CADPS2: variants seen among roughly 807,000 people sequenced by gnomAD.
The protein encoded by CADPS2 is calcium-dependent secretion activator 2.
A neutral mutation model predicts 172.5 loss-of-function variants in CADPS2; 93 were observed. That is an observed-to-expected ratio of 0.54 (90% CI 0.46 to 0.64). The LOEUF (loss-of-function observed/expected upper bound fraction) is 0.64. Ranked by LOEUF, CADPS2 falls within the 30% of genes least tolerant of loss-of-function variation. CADPS2 has a pLI of 0.00. For missense variants in CADPS2, 1,420 were observed against 1,565.9 expected (o/e 0.91, Z 1.57); for synonymous variants, 546 against 555.2 (o/e 0.98, Z 0.23).
At chr7:122,668,536 A>T (rs1161724262) in intron 2 of CADPS2, among the ~76,000 whole-genome samples, 1 of 152,204 alleles carries the variant, frequency 6.6e-6, no homozygotes, top group Admixed American at 6.5e-5. Context: ...CTAGTAAAAA[A>T]TATGGATTTA....
chr7:122,672,173 C>T (rs2081935931), intron 2 of CADPS2, among the ~76,000 whole-genome samples: 1 of 152,182 alleles, frequency 6.6e-6, no homozygotes, highest in South Asian at 2.1e-4. Flanking sequence ...AGTTATGAAA[C>T]TAACAATGAT....
At chr7:122,435,841 T>G (rs1248057838) in intron 17 of CADPS2, among the ~76,000 whole-genome samples, 1 of 152,082 alleles carries the variant, frequency 6.6e-6, no homozygotes, top group African/African-American at 2.4e-5. Flanking sequence ...AAAACAAATT[T>G]CTGGCTTAAT....
intron 2 of CADPS2, among the ~76,000 whole-genome samples, chr7:122,671,089 T>C (rs1310773631): frequency 6.6e-6 from 1 of 152,178 alleles, no homozygotes; most frequent in Non-Finnish European, 1.5e-5. Context: ...AGATCCTGTA[T>C]CGTACGCTGT....
At chr7:122,605,932 G>A (rs2073465900) in intron 6 of CADPS2, among the ~76,000 whole-genome samples, 2 of 151,830 alleles carry the variant, frequency 1.3e-5, no homozygotes, top group South Asian at 4.2e-4. Context: ...TAAATAGATG[G>A]GAGCATTATT....
intron 2 of CADPS2, among the ~76,000 whole-genome samples, chr7:122,690,537 T>C (rs1380055148): frequency 1.4e-4 from 22 of 152,292 alleles, no homozygotes; most frequent in Non-Finnish European, 7.4e-5. Flanking sequence ...GGAGGGTCCA[T>C]GGCTGACACC....
intron 12 of CADPS2, among the ~76,000 whole-genome samples, chr7:122,477,009 AGAGGAGAG>A (rs2056709484): frequency 3.1e-5 from 3 of 96,392 alleles, no homozygotes; most frequent in African/African-American, 1.4e-4. Context: ...AGAGGAGAGG[AGAGGAGAG>A]GAGAGGAGAG....
intron 3 of CADPS2, among the ~76,000 whole-genome samples, chr7:122,635,594 A>T (rs554294656): frequency 5.9e-5 from 9 of 152,218 alleles, no homozygotes; most frequent in African/African-American, 2.2e-4. Flanking sequence ...CTATGTCCTT[A>T]CAAAGGACAT....
intron 1 of CADPS2, among the ~76,000 whole-genome samples, chr7:122,880,178 G>C (rs968698930): frequency 3.9e-5 from 6 of 152,098 alleles, no homozygotes; most frequent in African/African-American, 1.4e-4. Context: ...CTCCAACTTG[G>C]AGATTTCACT....
chr7:122,409,003 G>C (rs1396581243), intron 19 of CADPS2, among the ~76,000 whole-genome samples: 4 of 152,182 alleles, frequency 2.6e-5, no homozygotes, highest in Non-Finnish European at 5.9e-5. Context: ...TTAATGCCTG[G>C]CTCAATGCTG....
chr7:122,621,246 A>C (rs2075577793), intron 5 of CADPS2, among the ~76,000 whole-genome samples: 2 of 152,132 alleles, frequency 1.3e-5, no homozygotes, highest in Admixed American at 6.5e-5. Flanking sequence ...CATAAAGAAG[A>C]CTTGCCTTAA....
intron 14 of CADPS2, among the ~76,000 whole-genome samples, chr7:122,457,099 G>A (rs917467808): frequency 2.0e-5 from 3 of 152,048 alleles, no homozygotes; most frequent in African/African-American, 2.4e-5. Context: ...CTATTATTTC[G>A]GATGATTTCT....
intron 8 of CADPS2, among the ~76,000 whole-genome samples, chr7:122,519,186 C>T (rs2060599033): frequency 6.6e-6 from 1 of 152,072 alleles, no homozygotes; most frequent in South Asian, 2.1e-4. Flanking sequence ...GACATTTTCA[C>T]AAGCACATAT....
At chr7:122,643,484 A>T (rs1170175785) in intron 3 of CADPS2, among the ~76,000 whole-genome samples, 1 of 152,194 alleles carries the variant, frequency 6.6e-6, no homozygotes, top group Admixed American at 6.5e-5. Context: ...GTCATACATC[A>T]GAACACAGCT....
intron 2 of CADPS2, among the ~76,000 whole-genome samples, chr7:122,732,831 A>G (rs1401998915): frequency 7.1e-6 from 1 of 139,922 alleles, no homozygotes; most frequent in Non-Finnish European, 1.5e-5. Flanking sequence ...ATTATATATA[A>G]TATACATTAT....
rs74327836 is a variant in CADPS2 at position 122,698,876 on chromosome 7, A to T, written c.454-35307T>A. 2.1e-3 allele frequency: 3,317 copies of T among 1,606,684 alleles called. 60 individuals are homozygous for T. The East Asian group carries it at 0.052, about 25-fold the overall frequency. On this transcript the variant is annotated intron_variant, in intron 2 of 29. Coordinates refer to ENST00000449022, the MANE Select transcript of CADPS2 (RefSeq NM_017954.11). ...ACACTGAACTTCATAAGCCAGGAAG[A>T]GGCAGTGTTGTTTCTCCAAGTGCCA...
intron 28 of CADPS2, among the ~76,000 whole-genome samples, chr7:122,335,547 CA>C (rs1563091414): frequency 1.3e-5 from 2 of 152,034 alleles, no homozygotes; most frequent in Non-Finnish European, 2.9e-5. Flanking sequence ...AAAAAGTCAA[CA>C]AAAACAAATA....
chr7:122,885,721 A>G (rs1824174473), intron 1 of CADPS2, among the ~76,000 whole-genome samples: 1 of 152,136 alleles, frequency 6.6e-6, no homozygotes, highest in African/African-American at 2.4e-5. Flanking sequence ...TGCCGGGTGC[A>G]ACCGCGGCGC....
At chr7:122,386,320 C>T in intron 24 of CADPS2, 1 of 1,420,800 alleles carries the variant, frequency 7.0e-7, no homozygotes, top group East Asian at 2.6e-5. Context: ...CTGGATCATG[C>T]CATGGGTGGA....
At chr7:122,455,570 T>C (rs937958137) in intron 14 of CADPS2, among the ~76,000 whole-genome samples, 1 of 152,136 alleles carries the variant, frequency 6.6e-6, no homozygotes, top group Non-Finnish European at 1.5e-5. Context: ...AATGCATATA[T>C]GCTGAGGAAA....
Sources: allele counts gnomAD v4.1 joint callset (sites outside exome capture counted in the v4.1 genomes callset), GRCh38; gene constraint gnomAD v4.1.1; transcripts MANE v1.5; gene names NCBI Gene and HGNC (gene_info 2026-07-23, HGNC 2026-07-21).